Variants in CACNB2 observed in about 807,000 individuals in gnomAD.
The protein encoded by CACNB2 is calcium voltage-gated channel auxiliary subunit beta 2, also known as voltage-dependent L-type calcium channel subunit beta-2.
Under a neutral mutation model 73.3 loss-of-function variants are expected in CACNB2, and 42 were observed. That is an observed-to-expected ratio of 0.57 (90% CI 0.45 to 0.74). The LOEUF (loss-of-function observed/expected upper bound fraction) is 0.74. Ranked by LOEUF, CACNB2 falls within the 30% of genes least tolerant of loss-of-function variation. CACNB2 has a pLI of 0.00. For missense variants in CACNB2, 940 were observed against 853.0 expected, an observed-to-expected ratio of 1.10 and a Z score of -1.27; for synonymous variants, 348 against 310.3, an observed-to-expected ratio of 1.12 and a Z score of -1.28.
chr10:18,163,575 G>A (rs968624500), intron 2 of CACNB2, among the ~76,000 whole-genome samples: 3 of 152,146 alleles, frequency 2.0e-5, no homozygotes, highest in South Asian at 2.1e-4. Context: ...AGGCAGGGCC[G>A]CAACACTGAC....
At chr10:18,351,425 A>G (rs2041702206) in intron 2 of CACNB2, among the ~76,000 whole-genome samples, 1 of 152,208 alleles carries the variant, frequency 6.6e-6, no homozygotes, top group Non-Finnish European at 1.5e-5. Context: ...TCTGCTATAT[A>G]CAATGATTAC....
At chr10:18,247,138 C>T (rs1281120519) in intron 2 of CACNB2, among the ~76,000 whole-genome samples, 1 of 152,174 alleles carries the variant, frequency 6.6e-6, no homozygotes, top group Non-Finnish European at 1.5e-5. Context: ...GCTATCTCCT[C>T]TCCTGGGAAT....
chr10:18,238,064 G>T (rs1321152133), intron 2 of CACNB2, among the ~76,000 whole-genome samples: 1 of 152,160 alleles, frequency 6.6e-6, no homozygotes, highest in East Asian at 1.9e-4. Context: ...CAGATGGAAG[G>T]TTGGGCCAGA....
chr10:18,506,631 C>T (rs546060736), intron 6 of CACNB2, 84 bp downstream of exon 6: 4 of 837,640 alleles, frequency 4.8e-6, no homozygotes, highest in African/African-American at 1.7e-5. Context: ...TTTACGTATA[C>T]ACTGAATCAC....
chr10:18,519,625 TG>T, intron 9 of CACNB2: 1 of 440,084 alleles, frequency 2.3e-6, no homozygotes, highest in South Asian at 1.6e-5. Context: ...CCTGTTCTAA[TG>T]GAAACTCCAT....
intron 3 of CACNB2, among the ~76,000 whole-genome samples, chr10:18,419,673 G>A (rs1307925538): frequency 6.6e-6 from 1 of 152,180 alleles, no homozygotes; most frequent in Non-Finnish European, 1.5e-5. Flanking sequence ...TTCAGGGAAA[G>A]TCACAGAATA....
chr10:18,217,538 T>C (rs1757217), intron 2 of CACNB2, among the ~76,000 whole-genome samples: 124,607 of 151,520 alleles, frequency 0.82, 51,870 homozygotes, highest in Non-Finnish European at 0.9. Context: ...ATGGCAAAAT[T>C]GTATAAATGT....
intron 2 of CACNB2, among the ~76,000 whole-genome samples, chr10:18,179,541 C>G (rs1209054600): frequency 6.6e-6 from 1 of 151,808 alleles, no homozygotes; most frequent in Non-Finnish European, 1.5e-5. Context: ...GTAATACATG[C>G]ATGTTTATCT....
intron 2 of CACNB2, among the ~76,000 whole-genome samples, chr10:18,343,089 T>C (rs978412494): frequency 6.6e-6 from 1 of 152,182 alleles, no homozygotes; most frequent in African/African-American, 2.4e-5. Flanking sequence ...TTGGTGTAAT[T>C]ACTTTCTACC....
intron 3 of CACNB2, among the ~76,000 whole-genome samples, chr10:18,447,714 CTT>C (rs1289919789): frequency 6.7e-6 from 1 of 148,702 alleles, no homozygotes; most frequent in Non-Finnish European, 1.5e-5. Flanking sequence ...CTTGGAGTGA[CTT>C]TGAAAAAAAA....
chr10:18,411,226 T>C (rs967061278), intron 3 of CACNB2, among the ~76,000 whole-genome samples: 1 of 151,652 alleles, frequency 6.6e-6, no homozygotes, highest in Non-Finnish European at 1.5e-5. Flanking sequence ...ATTGTTCAAA[T>C]ACGCATTAGC....
At chr10:18,375,202 C>T (rs2042746070) in intron 2 of CACNB2, among the ~76,000 whole-genome samples, 1 of 152,062 alleles carries the variant, frequency 6.6e-6, no homozygotes, top group Non-Finnish European at 1.5e-5. Context: ...CAGAGCAAGA[C>T]CCTGTCTCAA....
At chr10:18,161,332 C>G (rs182275659) in intron 2 of CACNB2, among the ~76,000 whole-genome samples, 6 of 152,290 alleles carry the variant, frequency 3.9e-5, no homozygotes, top group Admixed American at 3.9e-4. Flanking sequence ...AAAGTGCCAG[C>G]CTCCATTTCT....
intron 2 of CACNB2, among the ~76,000 whole-genome samples, chr10:18,251,883 C>T (rs771266611): frequency 9.9e-5 from 15 of 152,146 alleles, no homozygotes; most frequent in African/African-American, 1.4e-4. Context: ...GATCCAGTCA[C>T]CTCCCACCAA....
At chr10:18,445,753 G>A (rs769439997) in intron 3 of CACNB2, among the ~76,000 whole-genome samples, 12 of 152,058 alleles carry the variant, frequency 7.9e-5, no homozygotes, top group Non-Finnish European at 1.6e-4. Flanking sequence ...GTGGGATTGG[G>A]CCAGGTGTGA....
chr10:18,443,573 A>G lies in CACNB2; in HGVS notation c.333+41530A>G, dbSNP rs143201040. On this transcript the variant is annotated intron_variant, in intron 3 of 13. Transcript: ENST00000324631. ...TTGAGTAACTAATAGGCATTAAGTA[A>G]TTTGAGCAAATATTGTTCTCCAGAG... 5.2e-3 allele frequency among the ~76,000 whole-genome samples: 791 copies of G among 152,262 alleles called. 9 individuals carry two copies. The highest frequency in any genetic ancestry group is 0.018 in the African/African-American group (736 of 41,534).
At chr10:18,290,093 T>G (rs959347922) in intron 2 of CACNB2, among the ~76,000 whole-genome samples, 3 of 148,758 alleles carry the variant, frequency 2.0e-5, no homozygotes, top group African/African-American at 7.4e-5. Context: ...TCTTTAAAGT[T>G]TTTTTCTTTT....
At chr10:18,419,940 AAG>A (rs2045227907) in intron 3 of CACNB2, among the ~76,000 whole-genome samples, 1 of 152,244 alleles carries the variant, frequency 6.6e-6, no homozygotes. Context: ...TTATTAAACT[AAG>A]AATGTTTTTT....
At chr10:18,373,685 T>G (rs1003506803) in intron 2 of CACNB2, among the ~76,000 whole-genome samples, 28 of 152,254 alleles carry the variant, frequency 1.8e-4, no homozygotes, top group African/African-American at 6.8e-4. Context: ...GCCTTTGAGG[T>G]TAGCCTAGAT....
Sources: allele counts gnomAD v4.1 joint callset (sites outside exome capture counted in the v4.1 genomes callset), GRCh38; gene constraint gnomAD v4.1.1; transcripts MANE v1.5; gene names NCBI Gene and HGNC (gene_info 2026-07-23, HGNC 2026-07-21).